The following LPGAT1 variants were observed in gnomAD, a reference collection of about 807,000 sequenced individuals.
The protein encoded by LPGAT1 is acyl-CoA:lysophosphatidylglycerol acyltransferase 1.
In LPGAT1, 11 loss-of-function variants were observed where a neutral mutation model predicts 47.5. The ratio of observed to expected loss-of-function variants is 0.23; its 90% confidence interval spans 0.15 to 0.38. The LOEUF is 0.38. Ranked by LOEUF, LPGAT1 falls within the 10% of genes least tolerant of loss-of-function variation. The pLI is 1.00. For synonymous variants in LPGAT1, 138 were observed against 144.2 expected, an observed-to-expected ratio of 0.96 and a Z score of 0.31; for missense variants, 293 against 439.0, an observed-to-expected ratio of 0.67 and a Z score of 2.97.
At position 211,791,669 on chromosome 1, in the gene LPGAT1, C is replaced by T. The variant is rs184926608; in HGVS notation, c.357+1403G>A. ...GGCTGAGGCACAAGAATTGCTTGAA[C>T]CCAGGAGGCAGAGGTTGCAGCAAGC... On this transcript the variant is annotated intron_variant, in intron 3 of 7. Transcript: ENST00000366997. 2.4e-4 allele frequency among the ~76,000 whole-genome samples: 37 copies of T among 151,634 alleles called. 1 individual carries two copies. Among genetic ancestry groups the T allele is most frequent in the African/African-American group, 8.2e-4 (34 of 41,300 alleles).
At chr1:211,773,986 C>A (rs1277053681) in intron 6 of LPGAT1, among the ~76,000 whole-genome samples, 3 of 151,982 alleles carry the variant, frequency 2.0e-5, no homozygotes, top group Non-Finnish European at 4.4e-5. Context: ...TAAAAAGCAT[C>A]TTTTCTCTTA....
chr1:211,824,441 A>T (rs551153544), intron 2 of LPGAT1, among the ~76,000 whole-genome samples: 2 of 152,268 alleles, frequency 1.3e-5, no homozygotes, highest in East Asian at 3.9e-4. Flanking sequence ...CTTACTGAGT[A>T]CTCTGTGAGC....
rs1218415815 is a variant in LPGAT1 at position 211,749,058 on chromosome 1, AG to A, written c.*840del. The A allele has an allele frequency of 2.0e-5, 3 of 152,744 alleles. No homozygotes were observed. The highest frequency in any genetic ancestry group is 7.2e-5 in the African/African-American group (3 of 41,484). 9.5% of individuals were successfully genotyped at this position (152,744 alleles called of 1,614,324 possible). A position where few individuals can be genotyped will look rare whatever the true frequency, so the allele number is the denominator to read the frequency against. ...CAGGATGGCGCTGGAGAGCACTGGC[AG>A]GCAAATAAACACACAGAGACAAGAC... On this transcript the variant is annotated 3_prime_UTR_variant, in exon 8 of 8. Transcript: ENST00000366997.
intron 2 of LPGAT1, among the ~76,000 whole-genome samples, chr1:211,824,289 G>A (rs1487315742): frequency 1.3e-5 from 2 of 152,132 alleles, no homozygotes; most frequent in African/African-American, 4.8e-5. Flanking sequence ...CCAGCTACTC[G>A]GGAGGCTGAC....
chr1:211,807,755 A>T (rs1659814129), intron 2 of LPGAT1, among the ~76,000 whole-genome samples: 1 of 152,192 alleles, frequency 6.6e-6, no homozygotes, highest in Admixed American at 6.5e-5. Context: ...GATCACAGAG[A>T]TGTATGTAAA....
chr1:211,830,713 C>T lies in LPGAT1; in HGVS notation c.-168G>A, dbSNP rs1571780302. ...TGTGGCGCGGCCCGCGCCCGTTCCC[C>T]GGCGGCGCCGAGACTCGGTCCCCAA... On this transcript the variant is annotated 5_prime_UTR_variant, in exon 1 of 8. Transcript: ENST00000366997. This position sits in a 1 kb window ranked among gnomAD's most constrained non-coding sequence, Gnocchi z 5.9. 1 of 1,182,628 alleles carries T rather than the reference C, an allele frequency of 8.5e-7. No homozygotes were observed. Among genetic ancestry groups the T allele is most frequent in the Non-Finnish European group, 1.0e-6 (1 of 956,314 alleles). 73.3% of individuals were successfully genotyped at this position (1,182,628 alleles called of 1,614,324 possible). A position where few individuals can be genotyped will look rare whatever the true frequency, so the allele number is the denominator to read the frequency against.
At chr1:211,756,249 C>A (rs748389128) in intron 6 of LPGAT1, among the ~76,000 whole-genome samples, 5 of 151,994 alleles carry the variant, frequency 3.3e-5, no homozygotes, top group Non-Finnish European at 7.4e-5. Flanking sequence ...AAAAACCAAA[C>A]CAAAACAAAA....
chr1:211,757,921 G>A (rs1316818225), intron 6 of LPGAT1, among the ~76,000 whole-genome samples: 1 of 152,138 alleles, frequency 6.6e-6, no homozygotes, highest in African/African-American at 2.4e-5. Context: ...AAAGTTATAG[G>A]ATATAGAAGA....
chr1:211,822,357 T>C (rs917786173), intron 2 of LPGAT1, among the ~76,000 whole-genome samples: 1 of 152,226 alleles, frequency 6.6e-6, no homozygotes, highest in Non-Finnish European at 1.5e-5. Flanking sequence ...TTTAAAGCAT[T>C]TAGTAATATT....
chr1:211,755,501 A>G (rs1479431868), intron 6 of LPGAT1, among the ~76,000 whole-genome samples: 1 of 152,022 alleles, frequency 6.6e-6, no homozygotes, highest in Admixed American at 6.5e-5. Flanking sequence ...ACATTTAAAT[A>G]TCAGATTGGG....
At chr1:211,785,182 T>C (rs1370114859) in intron 4 of LPGAT1, among the ~76,000 whole-genome samples, 1 of 152,228 alleles carries the variant, frequency 6.6e-6, no homozygotes, top group Non-Finnish European at 1.5e-5. Flanking sequence ...ATAATTAGTA[T>C]GCTTTCAGTC....
intron 4 of LPGAT1, among the ~76,000 whole-genome samples, chr1:211,783,878 TA>T (rs890327420): frequency 1.3e-5 from 2 of 152,116 alleles, no homozygotes; most frequent in African/African-American, 4.8e-5. Flanking sequence ...GGGAAGATGG[TA>T]AATGTGGAGT....
intron 6 of LPGAT1, among the ~76,000 whole-genome samples, chr1:211,771,230 A>G (rs1658156125): frequency 6.6e-6 from 1 of 152,168 alleles, no homozygotes; most frequent in Non-Finnish European, 1.5e-5. Flanking sequence ...ACAGGTCTGC[A>G]GCCTAGAAGC....
intron 2 of LPGAT1, among the ~76,000 whole-genome samples, chr1:211,809,757 C>T (rs1474327165): frequency 6.6e-6 from 1 of 152,180 alleles, no homozygotes; most frequent in African/African-American, 2.4e-5. Context: ...GATTGTGAGA[C>T]CTCCCCAGCC....
intron 2 of LPGAT1, among the ~76,000 whole-genome samples, chr1:211,798,362 T>C (rs1659433608): frequency 6.6e-6 from 1 of 152,104 alleles, no homozygotes; most frequent in Admixed American, 6.6e-5. Context: ...ATGCCTACTG[T>C]GTCATATGAA....
At chr1:211,801,311 A>T (rs1558275617) in intron 2 of LPGAT1, among the ~76,000 whole-genome samples, 1 of 152,190 alleles carries the variant, frequency 6.6e-6, no homozygotes. Context: ...TCCTTCCATT[A>T]GTTTCCCCCA....
In LPGAT1 at chr1:211,744,100, G is replaced by C. The variant is rs1267786446; in HGVS notation, c.*5799C>G. On this transcript the variant is annotated 3_prime_UTR_variant, in exon 8 of 8. Transcript: ENST00000366997. The stretch of plus-strand genomic sequence containing the variant: ...TTCTAAATCAAAAGTTCGCTGTGTA[G>C]GACTGACATTAATGCTTTTCCTACC... 1 of 152,102 alleles carries C rather than the reference G, an allele frequency of 6.6e-6. No homozygotes were observed. The highest frequency in any genetic ancestry group is 1.5e-5 in the Non-Finnish European group (1 of 68,024). The allele number at this position is 152,102 out of a possible 1,614,324, so 9.4% of individuals were successfully genotyped here. A position where few individuals can be genotyped will look rare whatever the true frequency, so the allele number is the denominator to read the frequency against.
intron 6 of LPGAT1, among the ~76,000 whole-genome samples, chr1:211,758,066 C>A (rs931224910): frequency 6.6e-6 from 1 of 152,230 alleles, no homozygotes; most frequent in African/African-American, 2.4e-5. Flanking sequence ...CATCTCCTCA[C>A]CCTGCTGTAT....
intron 2 of LPGAT1, among the ~76,000 whole-genome samples, chr1:211,828,600 C>A (rs1660617373): frequency 6.6e-6 from 1 of 152,230 alleles, no homozygotes; most frequent in East Asian, 1.9e-4. Context: ...TTTGCTTGCT[C>A]AAAAGGCTAA....
Sources: allele counts gnomAD v4.1 joint callset (sites outside exome capture counted in the v4.1 genomes callset), GRCh38; gene constraint gnomAD v4.1.1; non-coding constraint Gnocchi (gnomAD v3.1); transcripts MANE v1.5; gene names NCBI Gene and HGNC (gene_info 2026-07-23, HGNC 2026-07-21).